ARSB: variants seen among roughly 807,000 people sequenced by gnomAD.
The protein encoded by ARSB is arylsulfatase B, also known as N-acetylgalactosamine-4-sulfatase.
In ARSB, 41 loss-of-function variants were observed where a neutral mutation model predicts 50.9. The observed-to-expected ratio is 0.81, with a 90% CI of 0.63 to 1.04. ARSB has a LOEUF of 1.04. Ranked by LOEUF, ARSB falls within the 50% of genes least tolerant of loss-of-function variation. The pLI is 0.00. For synonymous variants in ARSB, 269 were observed against 284.8 expected, an observed-to-expected ratio of 0.94 and a Z score of 0.56; for missense variants, 672 against 693.3, an observed-to-expected ratio of 0.97 and a Z score of 0.35.
intron 2 of ARSB, among the ~76,000 whole-genome samples, chr5:78,967,477 A>C (rs1752255456): frequency 6.6e-6 from 1 of 152,158 alleles, no homozygotes; most frequent in Non-Finnish European, 1.5e-5. Context: ...GTTCGAGACC[A>C]GCCTGACCAA....
chr5:78,793,595 A>T (rs535901231), intron 6 of ARSB, among the ~76,000 whole-genome samples: 1 of 152,242 alleles, frequency 6.6e-6, no homozygotes, highest in Non-Finnish European at 1.5e-5. Flanking sequence ...GACAGCAGAG[A>T]GCTGAGAAGT....
intron 6 of ARSB, among the ~76,000 whole-genome samples, chr5:78,789,410 A>G (rs1749178448): frequency 6.6e-6 from 1 of 152,220 alleles, no homozygotes. Flanking sequence ...ATGGGTAGAG[A>G]TCAGCAAGAA....
At chr5:78,958,991 G>A (rs1394736270) in intron 3 of ARSB, among the ~76,000 whole-genome samples, 1 of 152,066 alleles carries the variant, frequency 6.6e-6, no homozygotes, top group Non-Finnish European at 1.5e-5. Flanking sequence ...CCTAAATTTT[G>A]TCTATGTAAG....
Position 78,777,920 on chromosome 5 carries a change from C to T in ARSB, c.*2477G>A, listed in dbSNP as rs1748817612. 6.6e-6 allele frequency: 1 copy of T among 151,132 alleles called. No homozygotes were observed. The highest frequency in any genetic ancestry group is 1.5e-5 in the Non-Finnish European group (1 of 67,860). 9.4% of individuals were successfully genotyped at this position (151,132 alleles called of 1,614,324 possible). A position where few individuals can be genotyped will look rare whatever the true frequency, so the allele number is the denominator to read the frequency against. On this transcript the variant is annotated 3_prime_UTR_variant, in exon 8 of 8. Coordinates refer to ENST00000264914, the MANE Select transcript of ARSB (RefSeq NM_000046.5). ...TAACAACAATATATCAATCTTTTCA[C>T]ATTCTTATATAGAATCAGAGAATCT...
At chr5:78,848,927 G>C (rs865954428) in intron 5 of ARSB, among the ~76,000 whole-genome samples, 1 of 143,550 alleles carries the variant, frequency 7.0e-6, no homozygotes, top group African/African-American at 2.6e-5. Flanking sequence ...GTTTTTTCTC[G>C]TAAATTTGTT....
chr5:78,824,248 C>T (rs998356214), intron 6 of ARSB, among the ~76,000 whole-genome samples: 5 of 152,192 alleles, frequency 3.3e-5, no homozygotes, highest in Non-Finnish European at 7.3e-5. Context: ...TTTACAGCAA[C>T]GCAAAACAGA....
intron 5 of ARSB, among the ~76,000 whole-genome samples, chr5:78,877,421 G>T (rs1019047671): frequency 2.0e-5 from 3 of 152,124 alleles, no homozygotes; most frequent in Non-Finnish European, 2.9e-5. Flanking sequence ...CAGGGTCTCA[G>T]TCTGTTGCTC....
intron 5 of ARSB, among the ~76,000 whole-genome samples, chr5:78,852,674 C>T (rs935074962): frequency 3.1e-4 from 47 of 152,140 alleles, no homozygotes; most frequent in African/African-American, 9.4e-4. Context: ...TTCCATTCTC[C>T]CCGTCACTTT....
intron 6 of ARSB, among the ~76,000 whole-genome samples, chr5:78,823,359 T>A (rs1383317358): frequency 2.0e-5 from 3 of 152,204 alleles, no homozygotes; most frequent in Admixed American, 6.5e-5. Context: ...TTAAGAGGCA[T>A]GAGCATGGGG....
At chr5:78,933,651 C>A (rs115571457) in intron 4 of ARSB, among the ~76,000 whole-genome samples, 1,811 of 152,146 alleles carry the variant, frequency 0.012, 31 homozygotes, top group African/African-American at 0.042. Flanking sequence ...AGGAAAAGAA[C>A]TAGTAGAGGA....
At chr5:78,890,808 A>C (rs904514737) in intron 4 of ARSB, among the ~76,000 whole-genome samples, 3 of 152,140 alleles carry the variant, frequency 2.0e-5, no homozygotes, top group Non-Finnish European at 4.4e-5. Flanking sequence ...TGTTGTTAGA[A>C]TATGTCATGC....
At chr5:78,940,659 C>T (rs1750867986) in intron 4 of ARSB, among the ~76,000 whole-genome samples, 1 of 152,154 alleles carries the variant, frequency 6.6e-6, no homozygotes, top group Non-Finnish European at 1.5e-5. Context: ...TGTTTTGGTA[C>T]CAGTACCATG....
chr5:78,791,710 T>G (rs1449135422), intron 6 of ARSB, among the ~76,000 whole-genome samples: 1 of 152,270 alleles, frequency 6.6e-6, no homozygotes, highest in Non-Finnish European at 1.5e-5. Flanking sequence ...ATGTATGCAC[T>G]GTTGTCTAGA....
chr5:78,952,617 G>A (rs1171118057), intron 4 of ARSB, among the ~76,000 whole-genome samples: 3 of 152,084 alleles, frequency 2.0e-5, no homozygotes, highest in Non-Finnish European at 4.4e-5. Context: ...GATCACAAGC[G>A]TCAGCCACCA....
At chr5:78,859,030 C>A (rs1371382863) in intron 5 of ARSB, among the ~76,000 whole-genome samples, 2 of 152,162 alleles carry the variant, frequency 1.3e-5, no homozygotes, top group Admixed American at 6.5e-5. Flanking sequence ...CAGATCTAAT[C>A]AAAAAGTACC....
In ARSB at chr5:78,815,616, C is replaced by T. The variant is rs79929557; in HGVS notation, c.1213+23740G>A. On this transcript the variant is annotated intron_variant, in intron 6 of 7. Coordinates refer to ENST00000264914, the MANE Select transcript of ARSB (RefSeq NM_000046.5). Reference sequence around the variant, plus strand: ...AAATTTCTGTTTTTAGCTGACTTCACTCTTCTCTATATGCTATTAGGTAAT... The same window carrying T: ...AAATTTCTGTTTTTAGCTGACTTCATTCTTCTCTATATGCTATTAGGTAAT... The T allele has an allele frequency of 4.2e-3, 4,156 of 987,198 alleles. 382 individuals are homozygous for T. The African/African-American group carries it at 0.067, about 16-fold the overall frequency. The allele number at this position is 987,198 out of a possible 1,614,324, so 61.2% of individuals were successfully genotyped here. A position where few individuals can be genotyped will look rare whatever the true frequency, so the allele number is the denominator to read the frequency against.
chr5:78,797,688 T>C (rs1477679183), intron 6 of ARSB, among the ~76,000 whole-genome samples: 1 of 152,162 alleles, frequency 6.6e-6, no homozygotes, highest in East Asian at 1.9e-4. Context: ...GGGGTAAGGG[T>C]AGGAATCACA....
chr5:78,806,935 A>T (rs1417573575), intron 6 of ARSB, among the ~76,000 whole-genome samples: 1 of 151,912 alleles, frequency 6.6e-6, no homozygotes, highest in Admixed American at 6.6e-5. Flanking sequence ...CGCCATGCTT[A>T]CTCTTCCGCT....
chr5:78,914,677 A>G (rs962996281), intron 4 of ARSB, among the ~76,000 whole-genome samples: 19 of 152,280 alleles, frequency 1.2e-4, no homozygotes, highest in African/African-American at 4.3e-4. Flanking sequence ...GTTTTATTTC[A>G]TGAAAGTCTT....
Sources: gnomAD v4.1 joint callset for allele counts (sites outside exome capture counted in the v4.1 genomes callset) on GRCh38, gnomAD v4.1.1 for gene constraint, MANE v1.5 for transcripts, NCBI Gene and HGNC (gene_info 2026-07-23, HGNC 2026-07-21) for gene names.